Variants in IL1RAPL1 observed in about 807,000 individuals in gnomAD.
IL1RAPL1 encodes interleukin-1 receptor accessory protein-like 1.
Under a neutral mutation model 48.4 loss-of-function variants are expected in IL1RAPL1, and 3 were observed. That is an observed-to-expected ratio of 0.06 (90% CI 0.03 to 0.16). The LOEUF (loss-of-function observed/expected upper bound fraction) is 0.16, where lower values mean the gene tolerates loss of function less well. Ranked by LOEUF, IL1RAPL1 falls within the 10% of genes least tolerant of loss-of-function variation. IL1RAPL1 has a pLI of 1.00. For synonymous variants in IL1RAPL1, 185 were observed against 187.7 expected (o/e 0.99, Z 0.12); for missense variants, 349 against 530.6 (o/e 0.66, Z 3.36).
chrX:29,868,438 A>G (rs755958685), intron 6 of IL1RAPL1, among the ~76,000 whole-genome samples: 1 of 112,246 alleles, frequency 8.9e-6, no homozygotes, highest in South Asian at 3.7e-4. Context: ...TGAGGCACCC[A>G]GCAGGACATT....
intron 6 of IL1RAPL1, among the ~76,000 whole-genome samples, chrX:29,913,135 A>T (rs780994083): frequency 1.8e-5 from 2 of 111,276 alleles, no homozygotes; most frequent in Admixed American, 1.9e-4. Flanking sequence ...TTAGAGACTC[A>T]GGTGTGAGCT....
At chrX:29,837,307 A>T (rs964490408) in intron 6 of IL1RAPL1, among the ~76,000 whole-genome samples, 6 of 99,342 alleles carry the variant, frequency 6.0e-5, no homozygotes, top group Non-Finnish European at 1.2e-4. Flanking sequence ...ATATACACAC[A>T]CACACACACA....
chrX:29,588,217 C>G (rs1923247531), intron 5 of IL1RAPL1, among the ~76,000 whole-genome samples: 1 of 112,288 alleles, frequency 8.9e-6, no homozygotes. Flanking sequence ...TATTCAGCAC[C>G]TACTATGTGT....
At chrX:28,835,986 A>T (rs948432192) in intron 2 of IL1RAPL1, among the ~76,000 whole-genome samples, 5 of 110,736 alleles carry the variant, frequency 4.5e-5, no homozygotes, top group Non-Finnish European at 9.5e-5. Context: ...TCCCTATGTT[A>T]GGGAGAAACC....
intron 1 of IL1RAPL1, among the ~76,000 whole-genome samples, chrX:28,638,170 T>A (rs1177328521): frequency 9.0e-6 from 1 of 111,710 alleles, no homozygotes; most frequent in Non-Finnish European, 1.9e-5. Flanking sequence ...TTAGAAGAAT[T>A]TTTTACATCC....
intron 3 of IL1RAPL1, among the ~76,000 whole-genome samples, chrX:29,301,427 A>T (rs777790727): frequency 2.7e-5 from 3 of 112,267 alleles, no homozygotes; most frequent in Non-Finnish European, 5.6e-5. Flanking sequence ...ATTTTCTGCC[A>T]CATAGCTACC....
intron 2 of IL1RAPL1, among the ~76,000 whole-genome samples, chrX:29,094,771 CAAAAAAAAAAAAAAAA>C (rs1163805144): frequency 6.8e-4 from 4 of 5,907 alleles, no homozygotes; most frequent in South Asian, 0.056. Context: ...AACTCCATCT[CAAAAAAAAAAAAAAAA>C]AAAAAAAAAA....
chrX:29,405,665 C>T (rs1248435230), intron 5 of IL1RAPL1, among the ~76,000 whole-genome samples: 1 of 110,191 alleles, frequency 9.1e-6, no homozygotes, highest in Non-Finnish European at 1.9e-5. Context: ...CACGCCCAGG[C>T]TCTGTGTTCT....
chrX:29,269,437 C>T (rs1199701169), intron 2 of IL1RAPL1, among the ~76,000 whole-genome samples: 1 of 110,950 alleles, frequency 9.0e-6, no homozygotes, highest in Non-Finnish European at 1.9e-5. Context: ...CATGAATTTA[C>T]CCCACACCCA....
intron 5 of IL1RAPL1, among the ~76,000 whole-genome samples, chrX:29,560,061 G>A (rs906287268): frequency 5.4e-5 from 6 of 111,112 alleles, no homozygotes; most frequent in East Asian, 2.8e-4. Flanking sequence ...AGTATTTTTC[G>A]CATTTCTTGT....
intron 1 of IL1RAPL1, among the ~76,000 whole-genome samples, chrX:28,704,007 G>C (rs1228197418): frequency 8.9e-6 from 1 of 111,887 alleles, no homozygotes; most frequent in African/African-American, 3.2e-5. Flanking sequence ...AATAGCAAAA[G>C]TGGGGAAATG....
intron 3 of IL1RAPL1, among the ~76,000 whole-genome samples, chrX:29,287,991 A>G (rs1932310195): frequency 8.9e-6 from 1 of 111,767 alleles, no homozygotes; most frequent in African/African-American, 3.2e-5. Flanking sequence ...TAAGTCCTGA[A>G]GATTTTTCCT....
chrX:29,923,229 A>T (rs774928757), intron 8 of IL1RAPL1, among the ~76,000 whole-genome samples: 59 of 112,358 alleles, frequency 5.3e-4, no homozygotes, highest in Non-Finnish European at 3.8e-5. Flanking sequence ...TGCGTAAAAG[A>T]ATCATAATTC....
intron 5 of IL1RAPL1, among the ~76,000 whole-genome samples, chrX:29,546,710 A>G (rs1473304828): frequency 2.7e-5 from 3 of 111,671 alleles, no homozygotes; most frequent in Non-Finnish European, 5.6e-5. Flanking sequence ...AACTGAAGGT[A>G]TATTATATTC....
intron 3 of IL1RAPL1, among the ~76,000 whole-genome samples, chrX:29,295,971 C>A (rs1377316312): frequency 8.9e-6 from 1 of 111,760 alleles, no homozygotes; most frequent in Non-Finnish European, 1.9e-5. Flanking sequence ...AAAAATACTA[C>A]TAATTTAAGG....
intron 5 of IL1RAPL1, among the ~76,000 whole-genome samples, chrX:29,550,320 T>C (rs1221686384): frequency 9.0e-6 from 1 of 110,509 alleles, no homozygotes; most frequent in Non-Finnish European, 1.9e-5. Context: ...GCCTCCCGAG[T>C]AGCTGGGACT....
At chrX:28,958,446 C>G (rs920418747) in intron 2 of IL1RAPL1, among the ~76,000 whole-genome samples, 1 of 111,185 alleles carries the variant, frequency 9.0e-6, no homozygotes, top group African/African-American at 3.3e-5. Context: ...ATTTGGGGGT[C>G]ATAACGTTTT....
chrX:29,010,787 C>G (rs68187133), intron 2 of IL1RAPL1, among the ~76,000 whole-genome samples: 12,084 of 110,852 alleles, frequency 0.11, 845 homozygotes, highest in East Asian at 0.26. Context: ...CTGGCTTTGT[C>G]ACTTATTAGT....
chrX:29,388,671 C>T (rs1269663059), intron 3 of IL1RAPL1, among the ~76,000 whole-genome samples: 1 of 111,684 alleles, frequency 9.0e-6, no homozygotes, highest in Non-Finnish European at 1.9e-5. Context: ...GTAAAAGAAG[C>T]CAGATACAAA....
Sources: gnomAD v4.1 joint callset for allele counts (sites outside exome capture counted in the v4.1 genomes callset) on GRCh38, gnomAD v4.1.1 for gene constraint, MANE v1.5 for transcripts, NCBI Gene and HGNC (gene_info 2026-07-23, HGNC 2026-07-21) for gene names.